The following ZNF146 variants were observed in gnomAD, a reference collection of about 807,000 sequenced individuals.
ZNF146 encodes zinc finger protein 146.
ZNF146 carries 9 observed loss-of-function variants against 22.2 expected under a neutral mutation model. The observed-to-expected ratio is 0.41, with a 90% CI of 0.24 to 0.71. ZNF146 has a LOEUF of 0.71. ZNF146 is among the 30% of genes least tolerant of loss of function. The pLI, the probability that ZNF146 is intolerant of heterozygous loss-of-function variation, is 0.34. For synonymous variants in ZNF146, 108 were observed against 119.2 expected (o/e 0.91, Z 0.61); for missense variants, 194 against 344.8 (o/e 0.56, Z 3.46).
chr19:36,230,774 A>C (rs554541785), intron 3 of ZNF146, among the ~76,000 whole-genome samples: 1 of 152,134 alleles, frequency 6.6e-6, no homozygotes, highest in African/African-American at 2.4e-5. Context: ...GATTTGGGAG[A>C]CCCAACAGAG....
chr19:36,218,161 C>T lies in ZNF146; in HGVS notation c.-889C>T, dbSNP rs1289666130. 2 of 147,606 alleles carry T rather than the reference C, an allele frequency of 1.4e-5. No homozygotes were observed. Among genetic ancestry groups the T allele is most frequent in the Non-Finnish European group, 1.5e-5 (1 of 67,526 alleles). 9.1% of individuals were successfully genotyped at this position (147,606 alleles called of 1,614,324 possible). A position where few individuals can be genotyped will look rare whatever the true frequency, so the allele number is the denominator to read the frequency against. ...AGGAGCCAGACTTCCTGTGTTAACTCCTTCCTCTGCCACTTTTTACCTTGG... is the reference window on the plus strand; with the variant it reads ...AGGAGCCAGACTTCCTGTGTTAACTTCTTCCTCTGCCACTTTTTACCTTGG... On this transcript the variant is annotated 5_prime_UTR_variant, in exon 2 of 4. Transcript: ENST00000443387.
chr19:36,224,428 A>G (rs571408849), intron 2 of ZNF146, among the ~76,000 whole-genome samples: 1 of 152,304 alleles, frequency 6.6e-6, no homozygotes, highest in African/African-American at 2.4e-5. Flanking sequence ...TTAGGATGCC[A>G]CTTTGATTAT....
intron 2 of ZNF146, among the ~76,000 whole-genome samples, chr19:36,227,699 C>T (rs1045419755): frequency 8.5e-5 from 13 of 152,146 alleles, no homozygotes; most frequent in African/African-American, 2.4e-4. Context: ...AGACTACAGG[C>T]GCACACCATT....
chr19:36,234,616 C>T (rs1438398083), intron 3 of ZNF146, among the ~76,000 whole-genome samples: 1 of 152,170 alleles, frequency 6.6e-6, no homozygotes, highest in Admixed American at 6.5e-5. Context: ...CCAGGATGGT[C>T]TTGATCTCCT....
chr19:36,223,606 G>A (rs937261192), intron 2 of ZNF146, among the ~76,000 whole-genome samples: 3 of 151,858 alleles, frequency 2.0e-5, no homozygotes, highest in Non-Finnish European at 2.9e-5. Context: ...CTCGTGATCC[G>A]CCCGCCTCGG....
chr19:36,237,316 C>A lies in ZNF146; in HGVS notation c.876C>A (p.His292Gln). The A allele has an allele frequency of 6.3e-7, 1 of 1,592,708 alleles. No individual in the cohort carries two copies. Among genetic ancestry groups the A allele is most frequent in the Non-Finnish European group, 8.6e-7 (1 of 1,169,450 alleles). Reference protein sequence around the residue: ...HHIRHQKIHTH With the variant: ...HHIRHQKIHTQ ...TTAGACACCAGAAAATTCATACTCACTAAAAACCCCATGAAAGCCTTGAAA... is the reference window on the plus strand; with the variant it reads ...TTAGACACCAGAAAATTCATACTCAATAAAAACCCCATGAAAGCCTTGAAA... Residue 292 changes from histidine to glutamine, a missense_variant, in exon 4 of 4, where the codon CAC (histidine) becomes CAA (glutamine). This residue lies in a region of ZNF146 where 147 missense variants were observed against 300.1 expected (regional missense o/e 0.49). Transcript: ENST00000443387.
rs923944908 is a variant in ZNF146 at position 36,221,041 on chromosome 19, C to T, written c.-855+2846C>T. ...CTAATTTTTGTATTTCTAGTAGAGACAGCGTTTCACCATGTTGGCCAGGCT... is the reference window on the plus strand; with the variant it reads ...CTAATTTTTGTATTTCTAGTAGAGATAGCGTTTCACCATGTTGGCCAGGCT... On this transcript the variant is annotated intron_variant, in intron 2 of 3. Coordinates refer to ENST00000443387, the MANE Select transcript of ZNF146 (RefSeq NM_007145.3). 3.3e-5 allele frequency among the ~76,000 whole-genome samples: 5 copies of T among 151,476 alleles called. No individual in the cohort carries two copies. In the East Asian group the frequency reaches 9.9e-4, roughly 30 times the overall value.
At chr19:36,229,370 C>T (rs1977220960) in intron 3 of ZNF146, among the ~76,000 whole-genome samples, 1 of 152,144 alleles carries the variant, frequency 6.6e-6, no homozygotes, top group Admixed American at 6.6e-5. Flanking sequence ...GTTTTTCCCT[C>T]TGCTACTTTT....
At chr19:36,226,691 T>C (rs1003573446) in intron 2 of ZNF146, among the ~76,000 whole-genome samples, 5 of 152,218 alleles carry the variant, frequency 3.3e-5, no homozygotes, top group African/African-American at 1.2e-4. Flanking sequence ...AGTACAGTGA[T>C]CAAAATCGGG....
In ZNF146 at chr19:36,236,270, T is replaced by C; in HGVS notation, c.-171T>C. ...AAAGCATTGAATATACTGAGTATGA[T>C]AACATTTCCTCTCAAACCTTATCCC... On this transcript the variant is annotated 5_prime_UTR_variant, in exon 4 of 4. Transcript: ENST00000443387. 1 of 784,060 alleles carries C rather than the reference T, an allele frequency of 1.3e-6. No homozygotes were observed. Among genetic ancestry groups the C allele is most frequent in the Non-Finnish European group, 1.9e-6 (1 of 517,472 alleles). 48.6% of individuals were successfully genotyped at this position (784,060 alleles called of 1,614,324 possible).
intron 1 of ZNF146, among the ~76,000 whole-genome samples, chr19:36,216,646 A>G (rs1976620649): frequency 6.6e-6 from 1 of 151,974 alleles, no homozygotes; most frequent in Admixed American, 6.6e-5. Context: ...CAAGAGCGAG[A>G]TTCCGTCTCA....
chr19:36,237,451 G>A lies in ZNF146; in HGVS notation c.*132G>A. The stretch of plus-strand genomic sequence containing the variant: ...CTTTAACAAGTACTAAAAACTTAAG[G>A]GACACCAGAAAATTTGTACTGAAGA... On this transcript the variant is annotated 3_prime_UTR_variant, in exon 4 of 4. Coordinates refer to ENST00000443387, the MANE Select transcript of ZNF146 (RefSeq NM_007145.3). The A allele has an allele frequency of 8.8e-7, 1 of 1,140,262 alleles. No homozygotes were observed. The highest frequency in any genetic ancestry group is 1.2e-6 in the Non-Finnish European group (1 of 829,398). 70.6% of individuals were successfully genotyped at this position (1,140,262 alleles called of 1,614,324 possible).
chr19:36,222,991 T>A (rs1005042463), intron 2 of ZNF146, among the ~76,000 whole-genome samples: 1 of 152,030 alleles, frequency 6.6e-6, no homozygotes, highest in Non-Finnish European at 1.5e-5. Flanking sequence ...TATTCATGTA[T>A]TTTTTAGAGG....
chr19:36,226,875 C>T (rs1048103034), intron 2 of ZNF146, among the ~76,000 whole-genome samples: 3 of 151,894 alleles, frequency 2.0e-5, no homozygotes, highest in Admixed American at 6.6e-5. Flanking sequence ...CACCTGTGGT[C>T]GGGAGTTTGG....
intron 3 of ZNF146, among the ~76,000 whole-genome samples, chr19:36,232,071 T>A (rs1163805260): frequency 6.6e-6 from 1 of 151,762 alleles, no homozygotes; most frequent in Non-Finnish European, 1.5e-5. Context: ...GGCGTGGTGA[T>A]GCACACCTAT....
chr19:36,237,239 C>T lies in ZNF146; in HGVS notation c.799C>T (p.Pro267Ser). 1 of 1,614,050 alleles carries T rather than the reference C, an allele frequency of 6.2e-7. No individual in the cohort carries two copies. The highest frequency in any genetic ancestry group is 8.5e-7 in the Non-Finnish European group (1 of 1,179,984). Reference sequence around the variant, plus strand: ...TTTGAGAATACACACAGGTAAGAAGCCTTATCAGTGCAGTGAATGTGGGAA... The same window carrying T: ...TTTGAGAATACACACAGGTAAGAAGTCTTATCAGTGCAGTGAATGTGGGAA... ...LHLRIHTGKKPYQCSECGKAF... is the reference protein window; with the variant it reads ...LHLRIHTGKKSYQCSECGKAF... Residue 267 changes from proline (P) to serine (S), a missense_variant, in exon 4 of 4, where the codon CCT becomes TCT. By Grantham distance (74) the Pro-to-Ser change is moderately conservative. This residue lies in a region of ZNF146 where 147 missense variants were observed against 300.1 expected (regional missense o/e 0.49). Coordinates refer to ENST00000443387, the MANE Select transcript of ZNF146 (RefSeq NM_007145.3).
At chr19:36,224,967 C>G (rs1977007117) in intron 2 of ZNF146, among the ~76,000 whole-genome samples, 1 of 140,966 alleles carries the variant, frequency 7.1e-6, no homozygotes, top group Non-Finnish European at 1.5e-5. Flanking sequence ...TAATATTATT[C>G]CCTGCTTTCC....
At chr19:36,220,626 A>G (rs183089012) in intron 2 of ZNF146, among the ~76,000 whole-genome samples, 145 of 152,246 alleles carry the variant, frequency 9.5e-4, no homozygotes, top group African/African-American at 3.3e-3. Context: ...TTGGCCTCCC[A>G]AAGCGCTGGG....
chr19:36,230,561 G>A (rs559895185), intron 3 of ZNF146, among the ~76,000 whole-genome samples: 5 of 152,264 alleles, frequency 3.3e-5, no homozygotes, highest in East Asian at 3.9e-4. Flanking sequence ...TGAAGAGTGC[G>A]AGAGTGGGCG....
Sources: gnomAD v4.1 joint callset for allele counts (sites outside exome capture counted in the v4.1 genomes callset) on GRCh38, gnomAD v4.1.1 for gene constraint, gnomAD v4.1.1 regional missense constraint, MANE v1.5 for transcripts, NCBI Gene and HGNC (gene_info 2026-07-23, HGNC 2026-07-21) for gene names.